Variants in INPP5A observed in about 807,000 individuals in gnomAD.
INPP5A encodes 43 kDa inositol polyphosphate 5-phophatase.
A neutral mutation model predicts 65.2 loss-of-function variants in INPP5A; 14 were observed. That is an observed-to-expected ratio of 0.21 (90% CI 0.14 to 0.34). The LOEUF is 0.34. Among genes scored for constraint, INPP5A ranks in the 10% least tolerant of loss-of-function variants. INPP5A has a pLI of 1.00. For missense variants in INPP5A, 431 were observed against 545.6 expected (o/e 0.79, Z 2.09); for synonymous variants, 207 against 208.3 (o/e 0.99, Z 0.05).
At chr10:132,608,859 G>C (rs1286661072) in intron 2 of INPP5A, among the ~76,000 whole-genome samples, 1 of 152,218 alleles carries the variant, frequency 6.6e-6, no homozygotes, top group African/African-American at 2.4e-5. Flanking sequence ...GGGGCCCTCT[G>C]TGAGGGCATG....
At chr10:132,771,885 GA>G (rs1314989772) in intron 12 of INPP5A, among the ~76,000 whole-genome samples, 6 of 96,084 alleles carry the variant, frequency 6.2e-5, no homozygotes, top group East Asian at 2.8e-4. Context: ...GAGTGGGACA[GA>G]CACTCAGCAC....
At chr10:132,626,685 T>C (rs1346314740) in intron 2 of INPP5A, among the ~76,000 whole-genome samples, 1 of 152,244 alleles carries the variant, frequency 6.6e-6, no homozygotes, top group African/African-American at 2.4e-5. Context: ...TAGCCAGCAC[T>C]TAGATTCTTT....
At chr10:132,758,712 T>C (rs1260981037) in intron 11 of INPP5A, among the ~76,000 whole-genome samples, 3 of 152,190 alleles carry the variant, frequency 2.0e-5, no homozygotes, top group African/African-American at 7.2e-5. Flanking sequence ...GTCTTATCTA[T>C]GGGCAGGTGC....
At chr10:132,689,834 C>T (rs1012261605) in intron 4 of INPP5A, among the ~76,000 whole-genome samples, 10 of 152,326 alleles carry the variant, frequency 6.6e-5, no homozygotes, top group Admixed American at 4.6e-4. Flanking sequence ...TGCAACCATC[C>T]GGCTAATTTG....
intron 11 of INPP5A, among the ~76,000 whole-genome samples, chr10:132,760,454 A>G (rs978786607): frequency 2.6e-5 from 4 of 152,242 alleles, no homozygotes; most frequent in African/African-American, 9.6e-5. Flanking sequence ...GCAAGAGGCC[A>G]TCTGTGCCCC....
At position 132,549,504 on chromosome 10, in the gene INPP5A, G is replaced by C. The variant is rs533508712; in HGVS notation, c.75+11333G>C. Among the ~76,000 whole-genome samples the C allele has an allele frequency of 2.6e-5, 4 of 152,356 alleles. No individual in the cohort carries two copies. Among genetic ancestry groups the C allele is most frequent in the South Asian group, 2.1e-4 (1 of 4,830 alleles). On this transcript the variant is annotated intron_variant, in intron 1 of 15. Transcript: ENST00000368594. The surrounding 1 kb of genome is among the most constrained non-coding windows in gnomAD (Gnocchi z 4.9). ...ATCTTGCCGTGTTGGTAATGGCTTT[G>C]ACAGCTGGATGACAGACGGTGTTGG...
chr10:132,699,809 C>T (rs1236616256), intron 6 of INPP5A, among the ~76,000 whole-genome samples: 1 of 152,264 alleles, frequency 6.6e-6, no homozygotes, highest in Non-Finnish European at 1.5e-5. Flanking sequence ...CTCTGGCCAG[C>T]GGGACCTCCT....
chr10:132,737,607 T>G (rs201209229), intron 9 of INPP5A, among the ~76,000 whole-genome samples: 1 of 152,190 alleles, frequency 6.6e-6, no homozygotes, highest in Non-Finnish European at 1.5e-5. Context: ...CTCTCTGCCC[T>G]CCCTGCCAGC....
intron 1 of INPP5A, among the ~76,000 whole-genome samples, chr10:132,548,181 T>C (rs933377068): frequency 7.9e-5 from 12 of 151,820 alleles, no homozygotes; most frequent in African/African-American, 2.9e-4. Context: ...TGCCCGGCCA[T>C]GGTGTCTTTA....
intron 12 of INPP5A, among the ~76,000 whole-genome samples, chr10:132,770,402 C>A (rs1846928277): frequency 6.6e-6 from 1 of 152,266 alleles, no homozygotes; most frequent in African/African-American, 2.4e-5. Context: ...GTTTGGCTCT[C>A]CCTCTTTGTC....
In INPP5A at chr10:132,664,919, C is replaced by T. The variant is rs199905517; in HGVS notation, c.306+14414C>T. On this transcript the variant is annotated intron_variant, in intron 4 of 15. Coordinates refer to ENST00000368594, the MANE Select transcript of INPP5A (RefSeq NM_005539.5). ...AGATGCATCCTGCTGTCTTAAGTAT[C>T]GGAGTCCCCGATGTAGGCTTGTTGG... Among the ~76,000 whole-genome samples, 6 of 152,288 alleles carry T rather than the reference C, an allele frequency of 3.9e-5. No individual in the cohort carries two copies. In the East Asian group the frequency reaches 7.7e-4, roughly 20 times the overall value.
rs750484551 is a variant in INPP5A, at chr10:132,555,884, G to A, written c.75+17713G>A. On this transcript the variant is annotated intron_variant, in intron 1 of 15. Transcript: ENST00000368594. The surrounding 1 kb of genome is among the most constrained non-coding windows in gnomAD (Gnocchi z 4.4). The stretch of plus-strand genomic sequence containing the variant: ...AATCTGCGTCACAGATGAAAAACAC[G>A]CGTTTCCCCTTTTCGTAAGAGGATG... 3.3e-5 allele frequency among the ~76,000 whole-genome samples: 5 copies of A among 152,164 alleles called. No individual in the cohort carries two copies. The highest frequency in any genetic ancestry group is 5.9e-5 in the Non-Finnish European group (4 of 68,028).
intron 4 of INPP5A, among the ~76,000 whole-genome samples, chr10:132,687,693 T>G (rs543973414): frequency 6.6e-6 from 1 of 152,184 alleles, no homozygotes; most frequent in South Asian, 2.1e-4. Context: ...CCTGCAGCTT[T>G]GGGTTCTCCC....
At chr10:132,563,899 A>T (rs2071239087) in intron 1 of INPP5A, among the ~76,000 whole-genome samples, 1 of 151,748 alleles carries the variant, frequency 6.6e-6, no homozygotes. Context: ...GCTCATGTCC[A>T]CTCTACTCTG....
At chr10:132,751,484 CT>C (rs1846475920) in intron 11 of INPP5A, among the ~76,000 whole-genome samples, 1 of 152,260 alleles carries the variant, frequency 6.6e-6, no homozygotes. Flanking sequence ...CCCGCTGCCC[CT>C]CTCTGGCTCT....
chr10:132,691,230 C>T (rs1484871746), intron 5 of INPP5A, among the ~76,000 whole-genome samples: 2 of 152,136 alleles, frequency 1.3e-5, no homozygotes, highest in Admixed American at 6.5e-5. Context: ...TCATTGATGA[C>T]GAGAGCAAGA....
At chr10:132,726,012 C>T (rs1222091086) in intron 8 of INPP5A, among the ~76,000 whole-genome samples, 2 of 151,986 alleles carry the variant, frequency 1.3e-5, no homozygotes, top group East Asian at 1.9e-4. Context: ...AAGCAGTTCA[C>T]GGCGTTACTG....
At chr10:132,609,335 C>T (rs946913191) in intron 2 of INPP5A, among the ~76,000 whole-genome samples, 2 of 152,212 alleles carry the variant, frequency 1.3e-5, no homozygotes, top group African/African-American at 4.8e-5. Context: ...CACCCCCATC[C>T]ACGGTGCTCT....
In INPP5A at chr10:132,676,449, T is replaced by C. The variant is rs752550894; in HGVS notation, c.307-13943T>C. On this transcript the variant is annotated intron_variant, in intron 4 of 15. Coordinates refer to ENST00000368594, the MANE Select transcript of INPP5A (RefSeq NM_005539.5). The surrounding 1 kb of genome is among the most constrained non-coding windows in gnomAD (Gnocchi z 4.0). The stretch of plus-strand genomic sequence containing the variant: ...GGTGAAAGAGGCATGGGGAATTTAC[T>C]TGCTTTTCCTTTTTGTCTGGCATCA... 3.3e-5 allele frequency among the ~76,000 whole-genome samples: 5 copies of C among 152,252 alleles called. No homozygotes were observed. Among genetic ancestry groups the C allele is most frequent in the Non-Finnish European group, 5.9e-5 (4 of 68,042 alleles).
Sources: gnomAD v4.1 joint callset for allele counts (sites outside exome capture counted in the v4.1 genomes callset) on GRCh38, gnomAD v4.1.1 for gene constraint, Gnocchi (gnomAD v3.1) non-coding constraint, MANE v1.5 for transcripts, NCBI Gene and HGNC (gene_info 2026-07-23, HGNC 2026-07-21) for gene names.